Variants in PXDN observed in about 807,000 individuals in gnomAD.
The protein encoded by PXDN is peroxidasin.
A neutral mutation model predicts 140.3 loss-of-function variants in PXDN; 77 were observed. That is an observed-to-expected ratio of 0.55 (90% CI 0.46 to 0.66). The LOEUF is 0.66. Ranked by LOEUF, PXDN falls within the 30% of genes least tolerant of loss-of-function variation. PXDN has a pLI of 0.00. For synonymous variants in PXDN, 911 were observed against 857.4 expected, an observed-to-expected ratio of 1.06 and a Z score of -1.09; for missense variants, 1,838 against 2,039.5, an observed-to-expected ratio of 0.90 and a Z score of 1.90.
rs1219733331 is a variant in PXDN, at chr2:1,648,860, C to T, written c.2920G>A (p.Gly974Arg). 16 of 1,600,078 alleles carry T rather than the reference C, an allele frequency of 1.0e-5. No individual in the cohort carries two copies. Among genetic ancestry groups the T allele is most frequent in the Non-Finnish European group, 1.2e-5 (14 of 1,176,380 alleles). ...AGCTGCTCGTTGGCGCGGTGGTCCC[C>T]GGCCAGGAAGCAGGGGATGGGGCTC... ...NESPIPCFLA[G>R]DHRANEQLGL... The change falls in exon 17 of 23, where the codon GGG (glycine) becomes AGG (arginine). Residue 974 changes from glycine to arginine, a missense_variant. By Grantham distance (125) the Gly-to-Arg change is moderately radical. Coordinates refer to ENST00000252804, the MANE Select transcript of PXDN (RefSeq NM_012293.3). This position sits in a 1 kb window ranked among gnomAD's most constrained non-coding sequence, Gnocchi z 8.9.
chr2:1,672,847 G>T (rs1262075887), intron 9 of PXDN, among the ~76,000 whole-genome samples: 1 of 152,204 alleles, frequency 6.6e-6, no homozygotes, highest in African/African-American at 2.4e-5. Flanking sequence ...GGCATGATTT[G>T]TGGCTGAAGC....
In PXDN at chr2:1,634,198, A is replaced by G; in HGVS notation, c.*6T>C. The stretch of plus-strand genomic sequence containing the variant: ...GCAGACAAACTCTGAGGAGCCTCCC[A>G]GGAGCCTAGGGCTTTTCCTCCGCCC... On this transcript the variant is annotated 3_prime_UTR_variant, in exon 23 of 23. Transcript: ENST00000252804. 1 of 1,568,408 alleles carries G rather than the reference A, an allele frequency of 6.4e-7. No homozygotes were observed.
intron 19 of PXDN, among the ~76,000 whole-genome samples, chr2:1,640,854 C>T (rs1191719689): frequency 6.6e-6 from 1 of 152,196 alleles, no homozygotes; most frequent in Non-Finnish European, 1.5e-5. Flanking sequence ...GGCCAGGACA[C>T]GGTCCCAGGC....
At chr2:1,708,859 G>A (rs1324680001) in intron 1 of PXDN, among the ~76,000 whole-genome samples, 1 of 150,154 alleles carries the variant, frequency 6.7e-6, no homozygotes, top group East Asian at 1.9e-4. Flanking sequence ...GGTTTGTTAA[G>A]AACCTCTCTA....
In PXDN at chr2:1,662,504, C is replaced by T. The variant is rs564891968; in HGVS notation, c.1568-320G>A. 4.6e-5 allele frequency among the ~76,000 whole-genome samples: 7 copies of T among 152,314 alleles called. No individual in the cohort carries two copies. In the South Asian group the frequency reaches 1.4e-3, roughly 32 times the overall value. On this transcript the variant is annotated intron_variant, in intron 12 of 22. Coordinates refer to ENST00000252804, the MANE Select transcript of PXDN (RefSeq NM_012293.3). ...TGCCATGTCCTCCAGCCCCCAGTCC[C>T]TCACCGATGGTGGGGCAGTCTCAGG...
intron 22 of PXDN, among the ~76,000 whole-genome samples, chr2:1,634,571 C>A (rs187709840): frequency 1.3e-5 from 2 of 152,194 alleles, no homozygotes; most frequent in Admixed American, 1.3e-4. Flanking sequence ...CCGTCCCACC[C>A]TTCCGTCCAT....
intron 1 of PXDN, among the ~76,000 whole-genome samples, chr2:1,728,517 C>T (rs940210330): frequency 3.5e-4 from 54 of 152,382 alleles, no homozygotes; most frequent in African/African-American, 1.2e-3. Flanking sequence ...ACCTGATACC[C>T]AGGTCCACAG....
intron 19 of PXDN, among the ~76,000 whole-genome samples, chr2:1,642,699 G>C (rs964575371): frequency 6.6e-6 from 1 of 152,230 alleles, no homozygotes; most frequent in Non-Finnish European, 1.5e-5. Flanking sequence ...GGTTAACCAA[G>C]ACTGGGAGTT....
At chr2:1,663,002 C>CG (rs1350886411) in intron 12 of PXDN, among the ~76,000 whole-genome samples, 1 of 152,216 alleles carries the variant, frequency 6.6e-6, no homozygotes, top group Non-Finnish European at 1.5e-5. Flanking sequence ...GCCTGCAACA[C>CG]GGGGGCTGGG....
At chr2:1,713,370 G>A (rs577849606) in intron 1 of PXDN, among the ~76,000 whole-genome samples, 30 of 152,328 alleles carry the variant, frequency 2.0e-4, no homozygotes, top group Non-Finnish European at 3.4e-4. Flanking sequence ...CCATCCCTGC[G>A]AAAAGAAGCA....
intron 1 of PXDN, among the ~76,000 whole-genome samples, chr2:1,738,207 T>C (rs908424119): frequency 6.6e-6 from 1 of 151,932 alleles, no homozygotes; most frequent in African/African-American, 2.4e-5. Flanking sequence ...CCCAAAAGCA[T>C]ATGGAACTAT....
rs1558525823 is a variant in PXDN, at chr2:1,720,186, GCACAGAGAGAGGGAGGGATGCAGAGA to G, written c.200+24044_200+24069del. ...GGGAGGGATGCAGAGAGAGAGAGATGCACAGAGAGAGGGAGGGATGCAGAGAGAGGGAGGGATGCAGAGAGAGAGAG... is the reference window on the plus strand; with the variant it reads ...GGGAGGGATGCAGAGAGAGAGAGATGGAGGGAGGGATGCAGAGAGAGAGAG... On this transcript the variant is annotated intron_variant, in intron 1 of 22. Transcript: ENST00000252804. 2.4e-4 allele frequency among the ~76,000 whole-genome samples: 12 copies of G among 49,432 alleles called. 2 individuals are homozygous for G. The East Asian group carries it at 0.033, about 137-fold the overall frequency. 32.4% of individuals were successfully genotyped at this position (49,432 alleles called of 152,430 possible).
At chr2:1,640,614 C>A (rs1370491343) in intron 19 of PXDN, among the ~76,000 whole-genome samples, 1 of 152,226 alleles carries the variant, frequency 6.6e-6, no homozygotes, top group African/African-American at 2.4e-5. Context: ...CTGGACCCCT[C>A]GCTTCTTCCA....
rs772354996 is a variant in PXDN, at chr2:1,649,595, C to A, written c.2185G>T (p.Val729Leu). The A allele has an allele frequency of 1.2e-6, 2 of 1,614,036 alleles. No individual in the cohort carries two copies. Among genetic ancestry groups the A allele is most frequent in the Admixed American group, 3.3e-5 (2 of 60,024 alleles). ...AAGCACATGTCCGAGCAGTTGTTCA[C>A]GCGCCGGTGGGCGGTACAGCCCGAC... ...NLSGCTAHRR[V>L]NNCSDMCFHQ... Residue 729 changes from valine to leucine, a missense_variant, in exon 17 of 23, where the codon GTG (valine) becomes TTG (leucine). By Grantham distance (32) the Val-to-Leu change is conservative (BLOSUM62 1). This residue lies in a region of PXDN where 537 missense variants were observed against 583.9 expected (regional missense o/e 0.92). Transcript: ENST00000252804. This position sits in a 1 kb window ranked among gnomAD's most constrained non-coding sequence, Gnocchi z 7.1.
chr2:1,728,730 C>T (rs1297346220), intron 1 of PXDN, among the ~76,000 whole-genome samples: 1 of 152,182 alleles, frequency 6.6e-6, no homozygotes, highest in Non-Finnish European at 1.5e-5. Context: ...TGGAGAAGCT[C>T]CACTCAGGAA....
At chr2:1,722,758 G>C (rs900090075) in intron 1 of PXDN, among the ~76,000 whole-genome samples, 1 of 152,228 alleles carries the variant, frequency 6.6e-6, no homozygotes, top group Non-Finnish European at 1.5e-5. Context: ...ATATGGGAGG[G>C]GGGTACGAGG....
At chr2:1,683,861 T>C in intron 5 of PXDN, 134 bp from the exon 6 acceptor site, 1 of 903,572 alleles carries the variant, frequency 1.1e-6, no homozygotes. Flanking sequence ...TACAAATGAA[T>C]CTGAAAACAA....
At chr2:1,709,080 G>T (rs1223595607) in intron 1 of PXDN, among the ~76,000 whole-genome samples, 1 of 152,198 alleles carries the variant, frequency 6.6e-6, no homozygotes, top group Non-Finnish European at 1.5e-5. Context: ...GCTCCGTCTG[G>T]TCCCTGCGCC....
intron 1 of PXDN, among the ~76,000 whole-genome samples, chr2:1,706,078 G>A (rs74505009): frequency 0.014 from 2,156 of 152,254 alleles, 25 homozygotes; most frequent in African/African-American, 0.036. Flanking sequence ...ACTTGGATCC[G>A]ACTGGATGCC....
Sources: gnomAD v4.1 joint callset for allele counts (sites outside exome capture counted in the v4.1 genomes callset) on GRCh38, gnomAD v4.1.1 for gene constraint, gnomAD v4.1.1 regional missense constraint, Gnocchi (gnomAD v3.1) non-coding constraint, MANE v1.5 for transcripts, NCBI Gene and HGNC (gene_info 2026-07-23, HGNC 2026-07-21) for gene names.